Variants in OSBPL10 observed in about 807,000 individuals in gnomAD.
OSBPL10 encodes the protein oxysterol-binding protein-related protein 10.
Under a neutral mutation model 81.7 loss-of-function variants are expected in OSBPL10, and 49 were observed. That is an observed-to-expected ratio of 0.60 (90% CI 0.48 to 0.76). The LOEUF (loss-of-function observed/expected upper bound fraction) is 0.76, where lower values mean the gene tolerates loss of function less well. Among genes scored for constraint, OSBPL10 ranks in the 30% least tolerant of loss-of-function variants. The probability of loss-of-function intolerance (pLI) is 0.00; values close to 1 mark genes in which losing one functional copy is unlikely to be tolerated. For missense variants in OSBPL10, 923 were observed against 987.8 expected, an observed-to-expected ratio of 0.93 and a Z score of 0.88; for synonymous variants, 419 against 383.6, an observed-to-expected ratio of 1.09 and a Z score of -1.08.
At chr3:31,734,308 G>C (rs1279235929) in intron 5 of OSBPL10, among the ~76,000 whole-genome samples, 1 of 152,142 alleles carries the variant, frequency 6.6e-6, no homozygotes, top group Non-Finnish European at 1.5e-5. Context: ...ACTCCCTTCG[G>C]GGGAGGGGAA....
At chr3:31,892,469 G>A (rs1305558382) in intron 1 of OSBPL10, among the ~76,000 whole-genome samples, 2 of 152,102 alleles carry the variant, frequency 1.3e-5, no homozygotes, top group Non-Finnish European at 2.9e-5. Context: ...CAGAAAGGCG[G>A]CTGCAGAGAC....
intron 4 of OSBPL10, among the ~76,000 whole-genome samples, chr3:31,807,773 A>C (rs892134202): frequency 6.6e-6 from 1 of 152,126 alleles, no homozygotes; most frequent in Non-Finnish European, 1.5e-5. Context: ...AGGTAAGATC[A>C]TGGTGTTATG....
At chr3:31,749,886 A>T (rs1697657869) in intron 4 of OSBPL10, among the ~76,000 whole-genome samples, 1 of 151,910 alleles carries the variant, frequency 6.6e-6, no homozygotes, top group African/African-American at 2.4e-5. Context: ...CTTCATTTAA[A>T]ATTGCACCTC....
chr3:31,879,088 T>C (rs934637482), intron 2 of OSBPL10, among the ~76,000 whole-genome samples: 2 of 151,970 alleles, frequency 1.3e-5, no homozygotes, highest in African/African-American at 4.8e-5. Flanking sequence ...AGGTATCCAT[T>C]TTCTTTTTTT....
intron 7 of OSBPL10, among the ~76,000 whole-genome samples, chr3:31,694,935 G>A (rs1695669093): frequency 6.6e-6 from 1 of 152,170 alleles, no homozygotes; most frequent in South Asian, 2.1e-4. Flanking sequence ...TGTATTTTTA[G>A]TAGAGACAGG....
At chr3:31,760,730 A>G (rs1423077549) in intron 4 of OSBPL10, among the ~76,000 whole-genome samples, 1 of 152,198 alleles carries the variant, frequency 6.6e-6, no homozygotes, top group Non-Finnish European at 1.5e-5. Flanking sequence ...CATGTTTACA[A>G]CCTTTTTAAT....
chr3:31,832,993 G>A (rs1161633904), intron 3 of OSBPL10, among the ~76,000 whole-genome samples: 1 of 152,206 alleles, frequency 6.6e-6, no homozygotes, highest in Non-Finnish European at 1.5e-5. Flanking sequence ...ACCGCAGATT[G>A]TAAAGATTCT....
intron 6 of OSBPL10, among the ~76,000 whole-genome samples, chr3:31,712,526 G>A (rs1218760617): frequency 6.6e-6 from 1 of 152,184 alleles, no homozygotes; most frequent in Non-Finnish European, 1.5e-5. Context: ...TAGATGCAAC[G>A]TTCCTGGCTC....
At chr3:31,723,505 A>T (rs534767765) in intron 6 of OSBPL10, among the ~76,000 whole-genome samples, 1 of 151,336 alleles carries the variant, frequency 6.6e-6, no homozygotes, top group African/African-American at 2.4e-5. Flanking sequence ...GAACTTAAAG[A>T]CAATTCTATG....
chr3:31,853,278 A>G (rs1226530786), intron 3 of OSBPL10, among the ~76,000 whole-genome samples: 9 of 152,194 alleles, frequency 5.9e-5, no homozygotes, highest in Non-Finnish European at 1.2e-4. Flanking sequence ...ACTAATTAAC[A>G]AAACATGGAG....
intron 3 of OSBPL10, among the ~76,000 whole-genome samples, chr3:31,865,059 G>T (rs1387279719): frequency 6.6e-6 from 1 of 152,138 alleles, no homozygotes; most frequent in African/African-American, 2.4e-5. Context: ...ACTCCCAACA[G>T]AAAGGGAGAA....
chr3:31,983,479 G>A (rs1214857835), upstream of OSBPL10, among the ~76,000 whole-genome samples: 2 of 152,230 alleles, frequency 1.3e-5, no homozygotes, highest in African/African-American at 4.8e-5. Context: ...ACCAGTTCAA[G>A]TGGGGAAGGA....
At chr3:32,002,405 G>A (rs112915981) in intron 2 of OSBPL10, among the ~76,000 whole-genome samples, 3,775 of 152,284 alleles carry the variant, frequency 0.025, 61 homozygotes, top group Non-Finnish European at 0.035. Flanking sequence ...GGGAGGAATG[G>A]AATTTAAGTG....
intron 1 of OSBPL10, among the ~76,000 whole-genome samples, chr3:31,968,610 T>G (rs1698472388): frequency 6.6e-6 from 1 of 152,084 alleles, no homozygotes; most frequent in Non-Finnish European, 1.5e-5. Flanking sequence ...GAAGCATACC[T>G]TTACGTTCAA....
intron 1 of OSBPL10, among the ~76,000 whole-genome samples, chr3:31,958,768 A>G (rs910252008): frequency 6.6e-6 from 1 of 152,222 alleles, no homozygotes; most frequent in Non-Finnish European, 1.5e-5. Flanking sequence ...TTTGAGCCAA[A>G]TCCAGCCCAC....
intron 7 of OSBPL10, among the ~76,000 whole-genome samples, chr3:31,690,846 T>C (rs1448554626): frequency 1.3e-5 from 2 of 152,188 alleles, no homozygotes; most frequent in Admixed American, 1.3e-4. Context: ...CAAGATGTCA[T>C]ACTTTTCATT....
chr3:32,012,287 T>G (rs1374620454), intron 2 of OSBPL10, among the ~76,000 whole-genome samples: 1 of 152,178 alleles, frequency 6.6e-6, no homozygotes, highest in Non-Finnish European at 1.5e-5. Context: ...GGGCCAATAT[T>G]CAACATTCTT....
intron 4 of OSBPL10, 40 bp downstream of exon 4, chr3:31,830,000 T>A (rs1700197432): frequency 3.9e-6 from 6 of 1,553,538 alleles, no homozygotes; most frequent in Non-Finnish European, 5.2e-6. Context: ...AGCCCCCAAC[T>A]CCCCGGGGCT....
intron 10 of OSBPL10, among the ~76,000 whole-genome samples, chr3:31,667,530 TACAA>T (rs1476644833): frequency 6.6e-6 from 1 of 152,278 alleles, no homozygotes; most frequent in Non-Finnish European, 1.5e-5. Flanking sequence ...TCTATTTGGT[TACAA>T]ACTCTTGTAG....
Sources: gnomAD v4.1 joint callset for allele counts (sites outside exome capture counted in the v4.1 genomes callset) on GRCh38, gnomAD v4.1.1 for gene constraint, MANE v1.5 for transcripts, NCBI Gene and HGNC (gene_info 2026-07-23, HGNC 2026-07-21) for gene names.